The following NPAS3 variants were observed in gnomAD, a reference collection of about 807,000 sequenced individuals.
The protein encoded by NPAS3 is neuronal PAS domain protein 3, also known as neuronal PAS domain-containing protein 3.
A neutral mutation model predicts 73.1 loss-of-function variants in NPAS3; 14 were observed. That is an observed-to-expected ratio of 0.19 (90% CI 0.13 to 0.30). The LOEUF (loss-of-function observed/expected upper bound fraction) is 0.30. Among genes scored for constraint, NPAS3 ranks in the 10% least tolerant of loss-of-function variants. The probability of loss-of-function intolerance (pLI) is 1.00; values close to 1 mark genes in which losing one functional copy is unlikely to be tolerated. For missense variants in NPAS3, 1,096 were observed against 1,250.0 expected, an observed-to-expected ratio of 0.88 and a Z score of 1.86; for synonymous variants, 620 against 541.5, an observed-to-expected ratio of 1.14 and a Z score of -2.01.
intron 3 of NPAS3, among the ~76,000 whole-genome samples, chr14:33,232,669 C>A (rs1335868773): frequency 6.6e-6 from 1 of 152,138 alleles, no homozygotes; most frequent in Non-Finnish European, 1.5e-5. Context: ...CCTTAGCTTT[C>A]GTCTACTTCT....
intron 4 of NPAS3, among the ~76,000 whole-genome samples, chr14:33,554,434 C>G (rs1422528194): frequency 2.0e-5 from 3 of 152,142 alleles, no homozygotes; most frequent in Admixed American, 6.5e-5. Context: ...GCACATTGGA[C>G]AAGGAGCACA....
chr14:33,642,339 G>A (rs1042408128), intron 5 of NPAS3, among the ~76,000 whole-genome samples: 4 of 152,118 alleles, frequency 2.6e-5, no homozygotes, highest in African/African-American at 9.7e-5. Flanking sequence ...TTTAAGCCAG[G>A]CATGTTCTAG....
intron 2 of NPAS3, among the ~76,000 whole-genome samples, chr14:33,063,092 A>G (rs2041164169): frequency 6.6e-6 from 1 of 152,226 alleles, no homozygotes; most frequent in African/African-American, 2.4e-5. Flanking sequence ...CATGTGGGAC[A>G]GTGACTAAGT....
intron 4 of NPAS3, among the ~76,000 whole-genome samples, chr14:33,458,049 G>A (rs1436148024): frequency 6.6e-6 from 1 of 152,218 alleles, no homozygotes; most frequent in Non-Finnish European, 1.5e-5. Context: ...GGACATAGCT[G>A]TTGTGGAAGT....
intron 2 of NPAS3, among the ~76,000 whole-genome samples, chr14:33,180,729 G>A (rs1004638099): frequency 2.3e-4 from 34 of 149,910 alleles, no homozygotes; most frequent in African/African-American, 8.4e-4. Context: ...AACCCTGGAG[G>A]CGGAGCTTGC....
chr14:33,139,730 G>C (rs528753662), intron 2 of NPAS3, among the ~76,000 whole-genome samples: 3 of 152,292 alleles, frequency 2.0e-5, no homozygotes, highest in Non-Finnish European at 4.4e-5. Context: ...ATAAAAATAT[G>C]TTTCCTCAGT....
chr14:33,395,974 A>AGT (rs1472894814), intron 4 of NPAS3, among the ~76,000 whole-genome samples: 2 of 152,126 alleles, frequency 1.3e-5, no homozygotes, highest in Non-Finnish European at 2.9e-5. Flanking sequence ...GTTCTGGATG[A>AGT]GTATCTTTGT....
At chr14:33,567,894 A>G (rs2056039930) in intron 5 of NPAS3, among the ~76,000 whole-genome samples, 1 of 152,200 alleles carries the variant, frequency 6.6e-6, no homozygotes, top group Non-Finnish European at 1.5e-5. Context: ...GTTCCTTTGA[A>G]CATATTTTTC....
chr14:33,136,881 A>C (rs1431521432), intron 2 of NPAS3, among the ~76,000 whole-genome samples: 1 of 152,216 alleles, frequency 6.6e-6, no homozygotes, highest in Non-Finnish European at 1.5e-5. Context: ...GGCAGTTTTA[A>C]TTCATTGATT....
At chr14:33,496,636 G>A (rs78947042) in intron 4 of NPAS3, among the ~76,000 whole-genome samples, 5 of 152,068 alleles carry the variant, frequency 3.3e-5, no homozygotes, top group Admixed American at 1.3e-4. Flanking sequence ...AAAGGCCTTC[G>A]ATAAAATTCA....
intron 2 of NPAS3, among the ~76,000 whole-genome samples, chr14:33,186,593 C>A (rs767721757): frequency 1.3e-5 from 2 of 152,154 alleles, no homozygotes; most frequent in Non-Finnish European, 2.9e-5. Context: ...GATTTTCCCT[C>A]GAGTCTGATC....
At chr14:33,769,745 A>ATTTTTTTTTTTTTT (rs5807743) in intron 7 of NPAS3, among the ~76,000 whole-genome samples, 2 of 103,356 alleles carry the variant, frequency 1.9e-5, no homozygotes, top group African/African-American at 3.8e-5. Context: ...AAAGACTTGG[A>ATTTTTTTTTTTTTT]TTTTTTTTTT....
chr14:33,750,040 A>T (rs115412693), intron 7 of NPAS3, among the ~76,000 whole-genome samples: 3,033 of 152,212 alleles, frequency 0.02, 108 homozygotes, highest in African/African-American at 0.069. Context: ...TTTTTTAAGG[A>T]TGGTACTCTG....
intron 1 of NPAS3, among the ~76,000 whole-genome samples, chr14:32,969,819 C>A (rs775250414): frequency 2.6e-5 from 4 of 152,048 alleles, no homozygotes; most frequent in East Asian, 1.9e-4. Context: ...ATGTTTACTT[C>A]TCAGAAACAC....
intron 7 of NPAS3, among the ~76,000 whole-genome samples, chr14:33,749,665 G>C (rs1390886273): frequency 6.6e-6 from 1 of 152,152 alleles, no homozygotes; most frequent in Admixed American, 6.6e-5. Flanking sequence ...GCGGAGGACT[G>C]TTAAGCTCTG....
intron 1 of NPAS3, among the ~76,000 whole-genome samples, chr14:32,963,127 T>C (rs2037002447): frequency 6.6e-6 from 1 of 152,164 alleles, no homozygotes; most frequent in Non-Finnish European, 1.5e-5. Flanking sequence ...TAAAATAATT[T>C]AACGATAAAA....
At chr14:32,972,888 C>A (rs568570889) in intron 1 of NPAS3, among the ~76,000 whole-genome samples, 3 of 152,194 alleles carry the variant, frequency 2.0e-5, no homozygotes, top group Admixed American at 6.5e-5. Context: ...CACCCTCTCT[C>A]ACACACACAA....
At chr14:32,977,680 C>T (rs1012007018) in intron 1 of NPAS3, among the ~76,000 whole-genome samples, 11 of 149,520 alleles carry the variant, frequency 7.4e-5, no homozygotes, top group African/African-American at 1.9e-4. Flanking sequence ...TGCAGTGAAC[C>T]GTGATTGCAC....
At chr14:33,622,918 A>G (rs113148442) in intron 5 of NPAS3, among the ~76,000 whole-genome samples, 8 of 152,154 alleles carry the variant, frequency 5.3e-5, no homozygotes, top group African/African-American at 1.7e-4. Flanking sequence ...GGTGAGATAC[A>G]AAGGAGGGCT....
Sources: gnomAD v4.1 joint callset for allele counts (sites outside exome capture counted in the v4.1 genomes callset) on GRCh38, gnomAD v4.1.1 for gene constraint, MANE v1.5 for transcripts, NCBI Gene and HGNC (gene_info 2026-07-23, HGNC 2026-07-21) for gene names.